PTPRM: variants seen among roughly 807,000 people sequenced by gnomAD.
The protein encoded by PTPRM is protein tyrosine phosphatase receptor type M, also known as receptor-type tyrosine-protein phosphatase mu.
A neutral mutation model predicts 186.7 loss-of-function variants in PTPRM; 47 were observed. The ratio of observed to expected loss-of-function variants is 0.25; its 90% confidence interval spans 0.20 to 0.32. The LOEUF is 0.32. Ranked by LOEUF, PTPRM falls within the 10% of genes least tolerant of loss-of-function variation. PTPRM has a pLI of 1.00. For synonymous variants in PTPRM, 668 were observed against 674.9 expected (o/e 0.99, Z 0.16); for missense variants, 1,494 against 1,865.0 (o/e 0.80, Z 3.66).
At chr18:8,375,848 C>T (rs920205973) in intron 24 of PTPRM, among the ~76,000 whole-genome samples, 198 bp from the exon 25 acceptor site, 1 of 152,184 alleles carries the variant, frequency 6.6e-6, no homozygotes, top group Admixed American at 6.5e-5. Context: ...CCTTTCATAC[C>T]CAGACATCTT....
intron 7 of PTPRM, among the ~76,000 whole-genome samples, chr18:8,017,582 C>CAAAAAAA (rs71354586): frequency 6.2e-5 from 4 of 64,708 alleles, no homozygotes; most frequent in East Asian, 9.8e-4. Context: ...GACTCCTTCT[C>CAAAAAAA]AAAAAAAAAA....
At chr18:8,017,339 C>A (rs556974699) in intron 7 of PTPRM, among the ~76,000 whole-genome samples, 1 of 152,044 alleles carries the variant, frequency 6.6e-6, no homozygotes, top group East Asian at 1.9e-4. Flanking sequence ...GAGTTTGGGA[C>A]CAGCCTGACC....
chr18:7,895,667 G>A (rs181923935), intron 3 of PTPRM, among the ~76,000 whole-genome samples: 32 of 152,266 alleles, frequency 2.1e-4, no homozygotes, highest in African/African-American at 7.2e-4. Context: ...CTTCCAGAAC[G>A]TCCATTTCTC....
intron 1 of PTPRM, among the ~76,000 whole-genome samples, chr18:7,656,891 A>C (rs1005678850): frequency 6.6e-6 from 1 of 152,068 alleles, no homozygotes; most frequent in African/African-American, 2.4e-5. Context: ...TATCTTGTGC[A>C]GTCATCTGGT....
chr18:7,806,945 C>T (rs2044266619), intron 2 of PTPRM, among the ~76,000 whole-genome samples: 1 of 152,136 alleles, frequency 6.6e-6, no homozygotes, highest in South Asian at 2.1e-4. Context: ...GCATTGTGTT[C>T]TGTGCCAGAG....
At chr18:7,930,683 G>A (rs1015710673) in intron 5 of PTPRM, among the ~76,000 whole-genome samples, 2 of 152,068 alleles carry the variant, frequency 1.3e-5, no homozygotes, top group African/African-American at 2.4e-5. Context: ...ATATTACATC[G>A]TTAATATCAA....
At chr18:7,578,708 A>G (rs7233270) in intron 1 of PTPRM, among the ~76,000 whole-genome samples, 7,609 of 149,994 alleles carry the variant, frequency 0.051, 641 homozygotes, top group African/African-American at 0.18. Flanking sequence ...CCTGGGTTCA[A>G]GTGATCCTCC....
intron 14 of PTPRM, among the ~76,000 whole-genome samples, chr18:8,225,439 A>G (rs2094202156): frequency 6.6e-6 from 1 of 152,106 alleles, no homozygotes; most frequent in African/African-American, 2.4e-5. Context: ...TTCTGGTACA[A>G]CAGGATGTTC....
chr18:7,853,339 G>T (rs1404079181), intron 2 of PTPRM, among the ~76,000 whole-genome samples: 1 of 152,218 alleles, frequency 6.6e-6, no homozygotes, highest in Non-Finnish European at 1.5e-5. Context: ...GCTTGAAGTA[G>T]GAGAGAAGAG....
At chr18:8,336,962 C>T (rs2095443340) in intron 22 of PTPRM, among the ~76,000 whole-genome samples, 1 of 151,220 alleles carries the variant, frequency 6.6e-6, no homozygotes, top group Non-Finnish European at 1.5e-5. Flanking sequence ...GGCAACAGAG[C>T]AATCGTCAAA....
chr18:8,163,567 G>A (rs2093269515), intron 14 of PTPRM, among the ~76,000 whole-genome samples: 1 of 152,130 alleles, frequency 6.6e-6, no homozygotes, highest in Admixed American at 6.5e-5. Flanking sequence ...ATAAATAAAT[G>A]TTCTTATCCT....
intron 1 of PTPRM, among the ~76,000 whole-genome samples, chr18:7,582,066 T>G (rs1012683535): frequency 6.6e-6 from 1 of 152,206 alleles, no homozygotes; most frequent in African/African-American, 2.4e-5. Flanking sequence ...GTGAACATAT[T>G]TTTAAAAAGG....
chr18:8,198,730 T>C (rs2093813329), intron 14 of PTPRM, among the ~76,000 whole-genome samples: 1 of 152,172 alleles, frequency 6.6e-6, no homozygotes. Flanking sequence ...ACCAGTGGGA[T>C]TGACTGCTGT....
chr18:8,032,233 G>C (rs1168320702), intron 7 of PTPRM, among the ~76,000 whole-genome samples: 1 of 152,086 alleles, frequency 6.6e-6, no homozygotes, highest in East Asian at 1.9e-4. Flanking sequence ...ATGCAAACTT[G>C]GGCAAGTCTC....
intron 14 of PTPRM, among the ~76,000 whole-genome samples, chr18:8,156,509 T>G (rs2093124873): frequency 6.6e-6 from 1 of 152,182 alleles, no homozygotes; most frequent in South Asian, 2.1e-4. Flanking sequence ...AGATGGTATA[T>G]GTACATAGTT....
intron 22 of PTPRM, among the ~76,000 whole-genome samples, chr18:8,337,539 G>A (rs1220514494): frequency 6.6e-6 from 1 of 152,216 alleles, no homozygotes; most frequent in Non-Finnish European, 1.5e-5. Context: ...ACCCACTGGG[G>A]CCAGGACAGT....
Position 8,355,900 on chromosome 18 carries a change from T to G in PTPRM, c.3054+12380T>G, listed in dbSNP as rs115904982. On this transcript the variant is annotated intron_variant, in intron 23 of 32. Transcript: ENST00000580170. ...AGTCAAGGCGCTGATGCTAAGACAG[T>G]GAGCTCTCTGGTCTCTTTGTCACTG... Among the ~76,000 whole-genome samples, 1,355 of 152,292 alleles carry G rather than the reference T, an allele frequency of 8.9e-3. 5 individuals carry two copies. The highest frequency in any genetic ancestry group is 0.014 in the African/African-American group (589 of 41,562).
Position 8,253,370 on chromosome 18 carries a change from C to A in PTPRM, c.2710C>A (p.Gln904Lys). 6.3e-7 allele frequency: 1 copy of A among 1,587,876 alleles called. No homozygotes were observed. The highest frequency in any genetic ancestry group is 8.6e-7 in the Non-Finnish European group (1 of 1,167,280). The change falls in exon 19 of 33, where the codon CAG becomes AAG. Residue 904 changes from glutamine to lysine, a missense_variant. Gln to Lys is a moderately conservative substitution (Grantham distance 53). Coordinates refer to ENST00000580170, the MANE Select transcript of PTPRM (RefSeq NM_001105244.2). ...RVADLLQHITQMKCAEGYGFK... is the reference protein window; with the variant it reads ...RVADLLQHITKMKCAEGYGFK... ...GGCAGACCTCCTTCAGCACATCACA[C>A]AGATGAAGTGTGCGGAGGGCTACGG...
intron 1 of PTPRM, among the ~76,000 whole-genome samples, chr18:7,717,242 C>G (rs917652090): frequency 2.6e-5 from 4 of 152,054 alleles, no homozygotes; most frequent in Non-Finnish European, 4.4e-5. Context: ...ACCCATGGCC[C>G]CACCCCACCC....
Sources: allele counts gnomAD v4.1 joint callset (sites outside exome capture counted in the v4.1 genomes callset), GRCh38; gene constraint gnomAD v4.1.1; transcripts MANE v1.5; gene names NCBI Gene and HGNC (gene_info 2026-07-23, HGNC 2026-07-21).